Variants in NRG1 observed in about 807,000 individuals in gnomAD.
The protein encoded by NRG1 is neuregulin 1.
A neutral mutation model predicts 63.8 loss-of-function variants in NRG1; 18 were observed. That is an observed-to-expected ratio of 0.28 (90% CI 0.19 to 0.42). NRG1 has a LOEUF of 0.42. NRG1 is among the 10% of genes least tolerant of loss of function. The probability of loss-of-function intolerance (pLI) is 1.00; values close to 1 mark genes in which losing one functional copy is unlikely to be tolerated. For missense variants in NRG1, 762 were observed against 814.7 expected (o/e 0.94, Z 0.79); for synonymous variants, 302 against 301.3 (o/e 1.00, Z -0.02).
intron 7 of NRG1, among the ~76,000 whole-genome samples, chr8:32,752,145 A>G (rs1203776303): frequency 3.3e-5 from 5 of 152,126 alleles, no homozygotes; most frequent in Admixed American, 3.3e-4. Context: ...TTTCTTCACC[A>G]ACTCATCACA....
chr8:31,718,683 C>G (rs1451339541), intron 1 of NRG1, among the ~76,000 whole-genome samples: 4 of 152,130 alleles, frequency 2.6e-5, no homozygotes, highest in Admixed American at 6.5e-5. Flanking sequence ...ACAACAGAAG[C>G]CTTTCTTGTT....
intron 1 of NRG1, among the ~76,000 whole-genome samples, chr8:32,142,322 T>G (rs1836377504): frequency 6.6e-6 from 1 of 152,190 alleles, no homozygotes; most frequent in Non-Finnish European, 1.5e-5. Context: ...CAGAGATAGT[T>G]GACTGTGCTT....
intron 1 of NRG1, among the ~76,000 whole-genome samples, chr8:32,207,642 G>T (rs1416889423): frequency 6.6e-6 from 1 of 152,144 alleles, no homozygotes; most frequent in Admixed American, 6.5e-5. Flanking sequence ...AGCATATGGG[G>T]AGCCTTCCTG....
chr8:31,872,754 A>G (rs1829595719), intron 1 of NRG1, among the ~76,000 whole-genome samples: 1 of 152,234 alleles, frequency 6.6e-6, no homozygotes, highest in Admixed American at 6.5e-5. Flanking sequence ...ATTATAGATC[A>G]TCCATTCAAA....
intron 1 of NRG1, among the ~76,000 whole-genome samples, chr8:32,229,357 T>G (rs1846660374): frequency 6.6e-6 from 1 of 152,202 alleles, no homozygotes; most frequent in Non-Finnish European, 1.5e-5. Flanking sequence ...CTTTTGGGTT[T>G]GTGAGGATAT....
chr8:32,683,479 C>CT (rs1417464460), intron 5 of NRG1, among the ~76,000 whole-genome samples: 2 of 152,164 alleles, frequency 1.3e-5, no homozygotes, highest in African/African-American at 2.4e-5. Flanking sequence ...ACAGAGTGCA[C>CT]TTTTCGGCAT....
intron 1 of NRG1, among the ~76,000 whole-genome samples, chr8:32,208,335 G>A (rs949360087): frequency 6.6e-6 from 1 of 151,156 alleles, no homozygotes; most frequent in Non-Finnish European, 1.5e-5. Flanking sequence ...CCAGGCTGGA[G>A]TGAAATGGCG....
intron 1 of NRG1, among the ~76,000 whole-genome samples, chr8:32,009,843 TGACTGCTC>T (rs1814443208): frequency 1.3e-5 from 2 of 152,034 alleles, no homozygotes; most frequent in Non-Finnish European, 2.9e-5. Flanking sequence ...TGAGGGACAA[TGACTGCTC>T]CAGTTTATGC....
intron 1 of NRG1, among the ~76,000 whole-genome samples, chr8:32,175,646 A>G (rs1340515427): frequency 6.6e-6 from 1 of 152,210 alleles, no homozygotes; most frequent in Non-Finnish European, 1.5e-5. Flanking sequence ...TCAGGATACA[A>G]AATCAATGTA....
intron 1 of NRG1, among the ~76,000 whole-genome samples, chr8:32,336,939 G>A (rs1220669694): frequency 6.6e-6 from 1 of 152,038 alleles, no homozygotes; most frequent in African/African-American, 2.4e-5. Flanking sequence ...TACATACAAT[G>A]GGAAGCCATT....
At chr8:32,573,540 G>A (rs1197847563) in intron 1 of NRG1, among the ~76,000 whole-genome samples, 1 of 151,926 alleles carries the variant, frequency 6.6e-6, no homozygotes, top group Admixed American at 6.6e-5. Flanking sequence ...TCTTTACCTG[G>A]CGTTGCTTAT....
At chr8:32,509,699 A>G (rs931340665) in intron 1 of NRG1, among the ~76,000 whole-genome samples, 1 of 152,148 alleles carries the variant, frequency 6.6e-6, no homozygotes, top group African/African-American at 2.4e-5. Context: ...GAGGAGGATG[A>G]CTTTGTTAGT....
chr8:32,589,730 A>G (rs1046972070), intron 1 of NRG1, among the ~76,000 whole-genome samples: 16 of 152,246 alleles, frequency 1.1e-4, no homozygotes, highest in African/African-American at 3.9e-4. Flanking sequence ...GTTCTTAACA[A>G]TACAGTACAA....
intron 1 of NRG1, among the ~76,000 whole-genome samples, chr8:31,918,878 G>T (rs1438349056): frequency 6.6e-6 from 1 of 152,040 alleles, no homozygotes. Context: ...CACAATTTCA[G>T]CTTCTGTTAT....
chr8:31,828,304 C>CT (rs1013361149), intron 1 of NRG1, among the ~76,000 whole-genome samples: 3 of 152,152 alleles, frequency 2.0e-5, no homozygotes, highest in Non-Finnish European at 2.9e-5. Flanking sequence ...AAATAACTTG[C>CT]TTTTTACTCT....
chr8:31,652,200 C>A (rs1804919696), intron 1 of NRG1, among the ~76,000 whole-genome samples: 1 of 152,318 alleles, frequency 6.6e-6, no homozygotes, highest in South Asian at 2.1e-4. Context: ...ACCTCTCCTG[C>A]TCCATACCAG....
intron 1 of NRG1, among the ~76,000 whole-genome samples, chr8:31,735,618 CTTTG>C (rs1814581542): frequency 1.3e-5 from 2 of 152,058 alleles, no homozygotes; most frequent in African/African-American, 4.8e-5. Flanking sequence ...ATTTTGTTGA[CTTTG>C]TTTGTTTAGT....
At chr8:31,874,822 C>T (rs1388381130) in intron 1 of NRG1, among the ~76,000 whole-genome samples, 2 of 151,334 alleles carry the variant, frequency 1.3e-5, no homozygotes, top group East Asian at 3.9e-4. Flanking sequence ...GTGTCTCCCT[C>T]ATTTCTGTGT....
intron 1 of NRG1, among the ~76,000 whole-genome samples, chr8:32,111,162 G>A (rs1831972242): frequency 2.0e-5 from 3 of 152,100 alleles, no homozygotes; most frequent in African/African-American, 7.2e-5. Context: ...TGTCACCCAG[G>A]CTGGAGTGCC....
Sources: gnomAD v4.1 joint callset for allele counts (sites outside exome capture counted in the v4.1 genomes callset) on GRCh38, gnomAD v4.1.1 for gene constraint, MANE v1.5 for transcripts, NCBI Gene and HGNC (gene_info 2026-07-23, HGNC 2026-07-21) for gene names.